Variants in ERLIN2 observed in about 807,000 individuals in gnomAD.
ERLIN2 encodes the protein ER lipid raft associated 2.
Under a neutral mutation model 41.5 loss-of-function variants are expected in ERLIN2, and 22 were observed. The observed-to-expected ratio is 0.53, with a 90% CI of 0.38 to 0.76. The LOEUF is 0.76. Ranked by LOEUF, ERLIN2 falls within the 30% of genes least tolerant of loss-of-function variation. The pLI is 0.00. For synonymous variants in ERLIN2, 149 were observed against 150.9 expected (o/e 0.99, Z 0.09); for missense variants, 247 against 414.3 (o/e 0.60, Z 3.51).
At chr8:37,739,480 T>C (rs985083022) in intron 2 of ERLIN2, among the ~76,000 whole-genome samples, 1 of 151,966 alleles carries the variant, frequency 6.6e-6, no homozygotes, top group African/African-American at 2.4e-5. Flanking sequence ...ACAGACTTCT[T>C]ATCTTTTTTT....
At position 37,741,920 on chromosome 8, in the gene ERLIN2, G is replaced by C. The variant is rs562671178; in HGVS notation, c.236+102G>C. The C allele has an allele frequency of 6.3e-5, 55 of 873,444 alleles. No individual in the cohort carries two copies. Among genetic ancestry groups the C allele is most frequent in the Middle Eastern group, 2.1e-4 (1 of 4,656 alleles). The allele number at this position is 873,444 out of a possible 1,614,324, so 54.1% of individuals were successfully genotyped here. A position where few individuals can be genotyped will look rare whatever the true frequency, so the allele number is the denominator to read the frequency against. On this transcript the variant is annotated intron_variant, in intron 4 of 11. Coordinates refer to ENST00000519638, the MANE Select transcript of ERLIN2 (RefSeq NM_007175.8). This position sits in a 1 kb window ranked among gnomAD's most constrained non-coding sequence, Gnocchi z 4.8. ...AGTGAAAAGGGAGGCACCCTTTCTT[G>C]GTTAATTCCCTGTCTCGTAGCTCCC... is the stretch of plus-strand genomic sequence containing the variant.
At chr8:37,745,459 C>T (rs904829431) in intron 6 of ERLIN2, 21 of 1,082,434 alleles carry the variant, frequency 1.9e-5, no homozygotes, top group Non-Finnish European at 2.8e-5. Context: ...ACTGTTATAA[C>T]TTGTTTGCAG....
chr8:37,753,445 C>G lies in ERLIN2; in HGVS notation c.740-5C>G, dbSNP rs191003311. On this transcript the variant is annotated splice_polypyrimidine_tract_variant and splice_region_variant and intron_variant, in intron 10 of 11. Coordinates refer to ENST00000519638, the MANE Select transcript of ERLIN2 (RefSeq NM_007175.8). ...ACCAAGTTCACTGCACTCCTTCCCC[C>G]TCAGATGCTGCATTTCTGGCCCGGG... 3.0e-4 allele frequency: 477 copies of G among 1,613,640 alleles called. 2 individuals carry two copies. In the African/African-American group the frequency reaches 4.1e-3, roughly 14 times the overall value.
chr8:37,743,282 C>G (rs1224696511), intron 4 of ERLIN2, among the ~76,000 whole-genome samples: 1 of 152,212 alleles, frequency 6.6e-6, no homozygotes, highest in African/African-American at 2.4e-5. Flanking sequence ...GGACTACACA[C>G]CAAGGGACTA....
chr8:37,745,876 A>G (rs904861745), intron 6 of ERLIN2: 37 of 1,273,358 alleles, frequency 2.9e-5, no homozygotes, highest in Middle Eastern at 3.0e-4. Context: ...AGAATTTTAT[A>G]AAATATTAAT....
intron 1 of ERLIN2, chr8:37,737,040 C>A: frequency 1.0e-6 from 1 of 963,852 alleles, no homozygotes; most frequent in Non-Finnish European, 1.2e-6. Flanking sequence ...GTCCGCGCCC[C>A]GGTTACGTTA....
At chr8:37,752,860 G>A (rs181438349) in intron 10 of ERLIN2, among the ~76,000 whole-genome samples, 3 of 152,320 alleles carry the variant, frequency 2.0e-5, no homozygotes, top group Non-Finnish European at 2.9e-5. Flanking sequence ...TCAGAATCGC[G>A]CCAGCTTAAT....
intron 2 of ERLIN2, among the ~76,000 whole-genome samples, chr8:37,739,805 T>C (rs4739535): frequency 6.6e-6 from 1 of 150,510 alleles, no homozygotes; most frequent in South Asian, 2.1e-4. Flanking sequence ...GATTCTGCTG[T>C]CTTTTTCTTT....
Position 37,744,695 on chromosome 8 carries a change from T to C in ERLIN2, c.423T>C (p.Phe141=), listed in dbSNP as rs1215181039. The C allele has an allele frequency of 6.2e-7, 1 of 1,614,168 alleles. No homozygotes were observed. Residue 141 remains phenylalanine (F), a splice_region_variant and synonymous_variant, in exon 6 of 12, where the codon TTT becomes TTC. Transcript: ENST00000519638. ...HTLQEVYIEL[F]DQIDENLKLA... ...TTCAAGAGGTCTACATTGAGCTGTT[T>C]GGTAAGAAAGTCTCTCCTGAGCATG...
At chr8:37,747,370 A>T in intron 6 of ERLIN2, 5 of 1,418,864 alleles carry the variant, frequency 3.5e-6, no homozygotes, top group Non-Finnish European at 5.0e-6. Flanking sequence ...GGTCCCCTTC[A>T]TTTTCACTTT....
chr8:37,753,927 C>G lies in ERLIN2; in HGVS notation c.832C>G (p.Pro278Ala). ...TTTTTTTTAACAGCTGAAGCTAACC[C>G]CTGAATATCTGCAGCTGATGAAGTA... ...IAEANKLKLTPEYLQLMKYKA... is the reference protein window; with the variant it reads ...IAEANKLKLTAEYLQLMKYKA... The change falls in exon 12 of 12, where the codon CCT becomes GCT. Residue 278 changes from proline (P) to alanine (A), a missense_variant. Pro to Ala is a conservative substitution (Grantham distance 27, BLOSUM62 -1). This residue lies in a region of ERLIN2 where 153 missense variants were observed against 256.4 expected (regional missense o/e 0.60). Transcript: ENST00000519638. 1 of 1,613,512 alleles carries G rather than the reference C, an allele frequency of 6.2e-7. No homozygotes were observed. The highest frequency in any genetic ancestry group is 8.5e-7 in the Non-Finnish European group (1 of 1,179,730).
chr8:37,742,931 A>G (rs1438080334), intron 4 of ERLIN2, among the ~76,000 whole-genome samples: 1 of 152,246 alleles, frequency 6.6e-6, no homozygotes, highest in Non-Finnish European at 1.5e-5. Flanking sequence ...AACTAAAGAG[A>G]ATGTCATAAA....
chr8:37,747,365 C>T, intron 6 of ERLIN2: 1 of 1,012,512 alleles, frequency 9.9e-7, no homozygotes, highest in Non-Finnish European at 1.6e-6. Flanking sequence ...ATCAAGGTCC[C>T]CTTCATTTTC....
chr8:37,740,677 C>G (rs1039857686), intron 3 of ERLIN2: 2 of 162,042 alleles, frequency 1.2e-5, no homozygotes, highest in African/African-American at 2.4e-5. Context: ...CAGAGAAGAA[C>G]CTGTTCTGAG....
In ERLIN2 at chr8:37,741,637, G is replaced by A. The variant is rs910565033; in HGVS notation, c.190-135G>A. 10 of 749,928 alleles carry A rather than the reference G, an allele frequency of 1.3e-5. No individual in the cohort carries two copies. The highest frequency in any genetic ancestry group is 2.0e-5 in the Admixed American group (1 of 51,030). 46.5% of individuals were successfully genotyped at this position (749,928 alleles called of 1,614,324 possible). A position where few individuals can be genotyped will look rare whatever the true frequency, so the allele number is the denominator to read the frequency against. ...CAACCCTGTGAGGAAGGAGGATTAGGTGGGGTAATCATGTTTAATGAAGGC... is the reference window on the plus strand; with the variant it reads ...CAACCCTGTGAGGAAGGAGGATTAGATGGGGTAATCATGTTTAATGAAGGC... On this transcript the variant is annotated intron_variant, in intron 3 of 11. Transcript: ENST00000519638. This position sits in a 1 kb window ranked among gnomAD's most constrained non-coding sequence, Gnocchi z 4.8.
intron 1 of ERLIN2, chr8:37,737,424 A>C: frequency 5.1e-6 from 1 of 194,994 alleles, no homozygotes; most frequent in East Asian, 1.3e-4. Context: ...CAGCATCTGA[A>C]AGGAGTAAAT....
Position 37,741,555 on chromosome 8 carries a change from G to C in ERLIN2, c.190-217G>C, listed in dbSNP as rs926305306. ...TCACTAAACCATTATTACTCAGCTT[G>C]TTGATGTGGTGGTTCACTTATAGTG... On this transcript the variant is annotated intron_variant, in intron 3 of 11. Coordinates refer to ENST00000519638, the MANE Select transcript of ERLIN2 (RefSeq NM_007175.8). This position sits in a 1 kb window ranked among gnomAD's most constrained non-coding sequence, Gnocchi z 4.8. Among the ~76,000 whole-genome samples the C allele has an allele frequency of 1.3e-5, 2 of 152,194 alleles. No homozygotes were observed. The highest frequency in any genetic ancestry group is 2.9e-5 in the Non-Finnish European group (2 of 68,042).
intron 6 of ERLIN2, among the ~76,000 whole-genome samples, chr8:37,746,977 C>A (rs557063107): frequency 6.6e-6 from 1 of 152,304 alleles, no homozygotes; most frequent in East Asian, 1.9e-4. Context: ...GTCCAAAAAT[C>A]TTGAAACATG....
intron 2 of ERLIN2, among the ~76,000 whole-genome samples, chr8:37,739,720 A>C (rs1418105549): frequency 6.6e-6 from 1 of 150,958 alleles, no homozygotes; most frequent in Non-Finnish European, 1.5e-5. Context: ...TAATCCACTC[A>C]CCTCAGCCTC....
Sources: gnomAD v4.1 joint callset for allele counts (sites outside exome capture counted in the v4.1 genomes callset) on GRCh38, gnomAD v4.1.1 for gene constraint, gnomAD v4.1.1 regional missense constraint, Gnocchi (gnomAD v3.1) non-coding constraint, MANE v1.5 for transcripts, NCBI Gene and HGNC (gene_info 2026-07-23, HGNC 2026-07-21) for gene names.